CHEK1: variants seen among roughly 807,000 people sequenced by gnomAD.
CHEK1 encodes the protein checkpoint kinase 1.
CHEK1 carries 32 observed loss-of-function variants against 60.2 expected under a neutral mutation model. That is an observed-to-expected ratio of 0.53 (90% CI 0.40 to 0.71). The LOEUF (loss-of-function observed/expected upper bound fraction) is 0.71. Among genes scored for constraint, CHEK1 ranks in the 30% least tolerant of loss-of-function variants. The pLI is 0.00. For synonymous variants in CHEK1, 179 were observed against 187.2 expected, an observed-to-expected ratio of 0.96 and a Z score of 0.36; for missense variants, 399 against 564.6, an observed-to-expected ratio of 0.71 and a Z score of 2.97.
chr11:125,625,949 C>A lies in CHEK1; in HGVS notation c.-84C>A, dbSNP rs1164009422. On this transcript the variant is annotated 5_prime_UTR_variant, in exon 1 of 13. Coordinates refer to ENST00000438015, the MANE Select transcript of CHEK1 (RefSeq NM_001114122.3). ...CGCGAGTTTGCGGCAGCGTGACGCC[C>A]TCAAGTTTTGGCGGGAAAAGCGCTG... 1 of 702,498 alleles carries A rather than the reference C, an allele frequency of 1.4e-6. No homozygotes were observed. The highest frequency in any genetic ancestry group is 2.6e-6 in the Non-Finnish European group (1 of 385,016). The allele number at this position is 702,498 out of a possible 1,614,324, so 43.5% of individuals were successfully genotyped here.
chr11:125,665,337 A>C (rs1218876081), intron 13 of CHEK1, among the ~76,000 whole-genome samples: 1 of 150,706 alleles, frequency 6.6e-6, no homozygotes, highest in African/African-American at 2.4e-5. Context: ...ATTCTACCTG[A>C]TCATGGGGAA....
chr11:125,672,574 C>T, intron 13 of CHEK1: 2 of 1,612,404 alleles, frequency 1.2e-6, no homozygotes, highest in Non-Finnish European at 1.7e-6. Context: ...TGAGTCAAAA[C>T]AAGCAAGGGC....
chr11:125,665,169 G>A (rs560647564), intron 13 of CHEK1, among the ~76,000 whole-genome samples: 1 of 147,894 alleles, frequency 6.8e-6, no homozygotes, highest in East Asian at 2.0e-4. Flanking sequence ...GTCTGTTTTG[G>A]TTACTATAGC....
chr11:125,653,371 T>C lies in CHEK1; in HGVS notation c.1234-375T>C, dbSNP rs368187720. ...CTGGGCCTGTAGGCATGCACCACCA[T>C]GCCCGCTAATTTTTTGGGAATTTTA... On this transcript the variant is annotated intron_variant, in intron 11 of 12. Coordinates refer to ENST00000438015, the MANE Select transcript of CHEK1 (RefSeq NM_001114122.3). This position sits in a 1 kb window ranked among gnomAD's most constrained non-coding sequence, Gnocchi z 4.3. Among the ~76,000 whole-genome samples the C allele has an allele frequency of 1.1e-4, 17 of 152,230 alleles. No individual in the cohort carries two copies. The South Asian group carries it at 3.5e-3, about 32-fold the overall frequency.
chr11:125,644,508 G>A lies in CHEK1; in HGVS notation c.1102-4G>A, dbSNP rs1565375057. On this transcript the variant is annotated splice_region_variant and splice_polypyrimidine_tract_variant and intron_variant, in intron 10 of 12. Transcript: ENST00000438015. ...TATTCATTTGTCTTCTGTTTGACAT[G>A]TAGAACCCCTGGCAGCGGTTGGTCA... 1 of 1,613,518 alleles carries A rather than the reference G, an allele frequency of 6.2e-7. No individual in the cohort carries two copies. Among genetic ancestry groups the A allele is most frequent in the Non-Finnish European group, 8.5e-7 (1 of 1,179,812 alleles).
chr11:125,644,274 G>A lies in CHEK1; in HGVS notation c.1101+6G>A, dbSNP rs1274035684. The stretch of plus-strand genomic sequence containing the variant: ...GCACCCCAGGATCCTCACAGGTGAG[G>A]GAATTTAATTTTTTAAAAGTAATGG... On this transcript the variant is annotated splice_donor_region_variant and intron_variant, in intron 10 of 12. Coordinates refer to ENST00000438015, the MANE Select transcript of CHEK1 (RefSeq NM_001114122.3). 1.3e-6 allele frequency: 2 copies of A among 1,596,520 alleles called. No individual in the cohort carries two copies. Among genetic ancestry groups the A allele is most frequent in the Non-Finnish European group, 1.7e-6 (2 of 1,175,454 alleles).
chr11:125,634,316 TTTTG>T (rs1446442784), intron 6 of CHEK1, among the ~76,000 whole-genome samples: 2 of 151,684 alleles, frequency 1.3e-5, no homozygotes, highest in South Asian at 2.1e-4. Context: ...TGTGTCTGTT[TTTTG>T]TTTTTTTGTG....
intron 13 of CHEK1, among the ~76,000 whole-genome samples, chr11:125,668,727 A>C (rs1462501836): frequency 6.6e-6 from 1 of 151,830 alleles, no homozygotes; most frequent in African/African-American, 2.4e-5. Context: ...TACTTTTTTA[A>C]AAAATAGTTT....
At chr11:125,639,100 C>T (rs543212470) in intron 8 of CHEK1, among the ~76,000 whole-genome samples, 2 of 152,054 alleles carry the variant, frequency 1.3e-5, no homozygotes, top group South Asian at 2.1e-4. Flanking sequence ...GACTGCTTTG[C>T]GTTCATCATC....
In CHEK1 at chr11:125,625,802, C is replaced by A. The variant is rs1940562913; in HGVS notation, c.-231C>A. On this transcript the variant is annotated 5_prime_UTR_variant, in exon 1 of 13. Transcript: ENST00000438015. ...TTAAATCTCTTCAGCCAGGATCTCT[C>A]CCCGACTGCAAAGCAGCCCTGGGCG... 3 of 701,934 alleles carry A rather than the reference C, an allele frequency of 4.3e-6. No homozygotes were observed. Among genetic ancestry groups the A allele is most frequent in the African/African-American group, 1.7e-5 (1 of 57,380 alleles). 43.5% of individuals were successfully genotyped at this position (701,934 alleles called of 1,614,324 possible).
intron 11 of CHEK1, among the ~76,000 whole-genome samples, chr11:125,647,165 A>G (rs565262299): frequency 1.3e-5 from 2 of 152,256 alleles, no homozygotes; most frequent in East Asian, 3.9e-4. Flanking sequence ...TTGAGTTAAT[A>G]TTTGTATATA....
downstream of CHEK1, chr11:125,680,867 G>T (rs1339863361): frequency 1.8e-6 from 2 of 1,097,056 alleles, no homozygotes; most frequent in Non-Finnish European, 2.7e-6. Context: ...AGCTTCCAGT[G>T]CTGAAGCAGA....
downstream of CHEK1, among the ~76,000 whole-genome samples, chr11:125,679,331 C>T (rs991316740): frequency 6.6e-6 from 1 of 151,092 alleles, no homozygotes; most frequent in Admixed American, 6.6e-5. Flanking sequence ...GATCCTCCTG[C>T]CTCTGCCTCC....
In CHEK1 at chr11:125,656,833, C is replaced by G; in HGVS notation, c.*1513C>G. On this transcript the variant is annotated 3_prime_UTR_variant, in exon 13 of 13. Transcript: ENST00000438015. ...TCCCTGACTTATCTAAAATAATAAC[C>G]TCCTCTGTTTGCTGTGGGAATTTGT... The G allele has an allele frequency of 4.7e-6, 1 of 212,942 alleles. No homozygotes were observed. The highest frequency in any genetic ancestry group is 9.5e-6 in the Non-Finnish European group (1 of 105,126). 13.2% of individuals were successfully genotyped at this position (212,942 alleles called of 1,614,324 possible).
At chr11:125,670,816 C>T (rs1942187317) in intron 13 of CHEK1, among the ~76,000 whole-genome samples, 1 of 152,214 alleles carries the variant, frequency 6.6e-6, no homozygotes, top group African/African-American at 2.4e-5. Flanking sequence ...GGTGACTTCT[C>T]TTCAGTTCCT....
intron 8 of CHEK1, among the ~76,000 whole-genome samples, chr11:125,642,504 T>A (rs2136021645): frequency 6.6e-6 from 1 of 152,156 alleles, no homozygotes; most frequent in African/African-American, 2.4e-5. Context: ...TAATAAAATA[T>A]CTGAATGAAT....
At chr11:125,634,658 ATTAATAAGCTC>A (rs1234106168) in intron 6 of CHEK1, among the ~76,000 whole-genome samples, 1 of 134,182 alleles carries the variant, frequency 7.5e-6, no homozygotes, top group African/African-American at 2.9e-5. Flanking sequence ...CTTATTAGAC[ATTAATAAGCTC>A]TTAATAAGAG....
chr11:125,640,713 G>T (rs1447950621), intron 8 of CHEK1, among the ~76,000 whole-genome samples: 1 of 152,036 alleles, frequency 6.6e-6, no homozygotes, highest in Non-Finnish European at 1.5e-5. Context: ...GGGACTACAG[G>T]TGTGAGCCAC....
At chr11:125,627,282 A>G (rs2135970577) in intron 2 of CHEK1, among the ~76,000 whole-genome samples, 1 of 152,348 alleles carries the variant, frequency 6.6e-6, no homozygotes, top group South Asian at 2.1e-4. Context: ...ACAAGCACAT[A>G]TAGTATGGGA....
Sources: gnomAD v4.1 joint callset for allele counts (sites outside exome capture counted in the v4.1 genomes callset) on GRCh38, gnomAD v4.1.1 for gene constraint, Gnocchi (gnomAD v3.1) non-coding constraint, MANE v1.5 for transcripts, NCBI Gene and HGNC (gene_info 2026-07-23, HGNC 2026-07-21) for gene names.